Variants in BPIFC observed in about 807,000 individuals in gnomAD.
BPIFC encodes the protein BPI fold containing family C.
BPIFC carries 60 observed loss-of-function variants against 57.6 expected under a neutral mutation model. That is an observed-to-expected ratio of 1.04 (90% CI 0.85 to 1.29). The LOEUF is 1.29. BPIFC is among the 50% of genes most tolerant of loss of function. The pLI is 0.00. For synonymous variants in BPIFC, 243 were observed against 224.5 expected, an observed-to-expected ratio of 1.08 and a Z score of -0.74; for missense variants, 581 against 600.5, an observed-to-expected ratio of 0.97 and a Z score of 0.34.
intron 13 of BPIFC, among the ~76,000 whole-genome samples, chr22:32,422,708 G>GA (rs1216536555): frequency 5.4e-5 from 8 of 147,172 alleles, no homozygotes; most frequent in Non-Finnish European, 7.5e-5. Context: ...ACTACGTTTT[G>GA]AAAAAAAAAA....
Position 32,432,310 on chromosome 22 carries a change from A to T in BPIFC, c.1149+63T>A. On this transcript the variant is annotated intron_variant, in intron 12 of 16. Coordinates refer to ENST00000300399, the MANE Select transcript of BPIFC (RefSeq NM_174932.3). ...TTCAAACGTTTAAAAGCTGCTGGCC[A>T]ACAGTCCACAGCAGGAGCAGGATTG... is the stretch of plus-strand genomic sequence containing the variant. The T allele has an allele frequency of 2.6e-6, 4 of 1,563,772 alleles. No individual in the cohort carries two copies. In the South Asian group the frequency reaches 3.5e-5, roughly 14 times the overall value.
rs201235852 is a variant in BPIFC, at chr22:32,435,780, G to A, written c.848C>T (p.Ala283Val). Residue 283 changes from alanine to valine, a missense_variant, in exon 10 of 17, where the codon GCC becomes GTC. Ala to Val is a moderately conservative substitution (Grantham distance 64, BLOSUM62 0). Transcript: ENST00000300399. The stretch of plus-strand genomic sequence containing the variant: ...GGACGCAGATTTAAAGAAATACTCG[G>A]CGATTCCAATGTAGAGCATGGAGTT... Reference protein sequence around the residue: ...RSNSMLYIGIAEYFFKSASFA... With the variant: ...RSNSMLYIGIVEYFFKSASFA... The A allele has an allele frequency of 5.8e-5, 94 of 1,614,046 alleles. No individual in the cohort carries two copies. The highest frequency in any genetic ancestry group is 7.7e-5 in the Non-Finnish European group (91 of 1,180,034).
chr22:32,459,248 G>A (rs1188252084), intron 2 of BPIFC, among the ~76,000 whole-genome samples: 1 of 152,244 alleles, frequency 6.6e-6, no homozygotes, highest in African/African-American at 2.4e-5. Flanking sequence ...GAAGAAGTAA[G>A]CCAGGTGTGG....
Position 32,434,082 on chromosome 22 carries a change from T to TTATATATA in BPIFC, c.925-318_925-311dup, listed in dbSNP as rs10628834. Among the ~76,000 whole-genome samples the TTATATATA allele has an allele frequency of 8.8e-4, 130 of 147,292 alleles. 1 individual carries two copies. The highest frequency in any genetic ancestry group is 2.9e-3 in the African/African-American group (116 of 40,562). ...CGTATGTAGTACAACAAAGTTTTAGTTATATATATATATATCTATATGTAC... is the reference window on the plus strand; with the variant it reads ...CGTATGTAGTACAACAAAGTTTTAGTTATATATATATATATATATATATCTATATGTAC... On this transcript the variant is annotated intron_variant, in intron 10 of 16. Coordinates refer to ENST00000300399, the MANE Select transcript of BPIFC (RefSeq NM_174932.3).
chr22:32,433,650 C>A, intron 11 of BPIFC, 69 bp downstream of exon 11: 1 of 1,407,886 alleles, frequency 7.1e-7, no homozygotes, highest in Admixed American at 1.7e-5. Flanking sequence ...ACGTAGAACC[C>A]ACAAGTCTTC....
intron 2 of BPIFC, among the ~76,000 whole-genome samples, chr22:32,459,435 G>A (rs768437061): frequency 1.3e-5 from 2 of 152,074 alleles, no homozygotes; most frequent in African/African-American, 2.4e-5. Context: ...AGGCCGAGGC[G>A]GGTGGATCAC....
At chr22:32,416,512 A>G (rs1933683115) in intron 15 of BPIFC, among the ~76,000 whole-genome samples, 1 of 152,204 alleles carries the variant, frequency 6.6e-6, no homozygotes, top group Admixed American at 6.5e-5. Flanking sequence ...TGCACCTACA[A>G]TTATGTTCAT....
Position 32,447,273 on chromosome 22 carries a change from C to T in BPIFC, c.313G>A (p.Ala105Thr). 6.2e-7 allele frequency: 1 copy of T among 1,614,130 alleles called. No individual in the cohort carries two copies. Residue 105 changes from alanine (A) to threonine (T), a missense_variant, in exon 5 of 17, where the codon GCG becomes ACG. Coordinates refer to ENST00000300399, the MANE Select transcript of BPIFC (RefSeq NM_174932.3). ...LAFVPGVGIK[A>T]LTNHGTANIS... is the part of the protein sequence containing the mutation. ...TTGGCAGTGCCATGGTTGGTTAGCGCTTTGATTCCCACTCCAGGCACAAAA... is the reference window on the plus strand; with the variant it reads ...TTGGCAGTGCCATGGTTGGTTAGCGTTTTGATTCCCACTCCAGGCACAAAA...
At position 32,447,289 on chromosome 22, in the gene BPIFC, A is replaced by AATGAGGTATTT; in HGVS notation, c.296_297insAAATACCTCAT (p.Gly100AsnfsTer11). On this transcript the variant is annotated frameshift_variant, in exon 5 of 17. Coordinates refer to ENST00000300399, the MANE Select transcript of BPIFC (RefSeq NM_174932.3). LOFTEE classifies it high-confidence loss of function. ...TGGTTAGCGCTTTGATTCCCACTCC[A>AATGAGGTATTT]GGCACAAAAGCCAATGAGGTATTTG... 6.2e-7 allele frequency: 1 copy of AATGAGGTATTT among 1,614,118 alleles called. No individual in the cohort carries two copies. Among genetic ancestry groups the AATGAGGTATTT allele is most frequent in the Non-Finnish European group, 8.5e-7 (1 of 1,179,992 alleles).
chr22:32,414,335 T>C lies in BPIFC; in HGVS notation c.1492A>G (p.Ser498Gly), dbSNP rs1317389090. ...GCTGACTTCCCCCTCCACTGTCTGC[T>C]TATCAGGTTCAGACCTTCCCATACG... is the stretch of plus-strand genomic sequence containing the variant. Reference protein sequence around the residue: ...FHVWEGLNLISRQWRGKSAP With the variant: ...FHVWEGLNLIGRQWRGKSAP The change falls in exon 17 of 17, where the codon AGC becomes GGC. Residue 498 changes from serine to glycine, a missense_variant. Transcript: ENST00000300399. 6.2e-7 allele frequency: 1 copy of C among 1,613,946 alleles called. No individual in the cohort carries two copies. The highest frequency in any genetic ancestry group is 8.5e-7 in the Non-Finnish European group (1 of 1,179,864).
chr22:32,426,101 G>C (rs929289538), intron 13 of BPIFC, among the ~76,000 whole-genome samples: 15 of 152,206 alleles, frequency 9.9e-5, no homozygotes, highest in Non-Finnish European at 2.2e-4. Context: ...TGTATTTGCT[G>C]TCTATGCAGC....
chr22:32,415,906 C>T lies in BPIFC; in HGVS notation c.1401+9G>A. ...TGGGTCAGTTAAGAGGTGAGATTTG[C>T]ATTCTTACCTCAAGAACTTCAATAT... On this transcript the variant is annotated intron_variant, in intron 16 of 16. Coordinates refer to ENST00000300399, the MANE Select transcript of BPIFC (RefSeq NM_174932.3). 6.4e-7 allele frequency: 1 copy of T among 1,556,732 alleles called. No individual in the cohort carries two copies. The highest frequency in any genetic ancestry group is 8.7e-7 in the Non-Finnish European group (1 of 1,144,752).
chr22:32,449,239 G>A (rs1934819140), intron 4 of BPIFC, among the ~76,000 whole-genome samples: 1 of 152,162 alleles, frequency 6.6e-6, no homozygotes, highest in South Asian at 2.1e-4. Flanking sequence ...TTTAGTACCA[G>A]CTGTAAAAAC....
chr22:32,424,759 TTCTTCTTC>T (rs1934007643), intron 13 of BPIFC, among the ~76,000 whole-genome samples: 1 of 96,674 alleles, frequency 1.0e-5, no homozygotes, highest in Non-Finnish European at 2.0e-5. Context: ...CTTCCTCTTC[TTCTTCTTC>T]TTCTTCTTCT....
At chr22:32,418,009 C>CT (rs1245407018) in intron 14 of BPIFC, among the ~76,000 whole-genome samples, 1 of 152,062 alleles carries the variant, frequency 6.6e-6, no homozygotes, top group Non-Finnish European at 1.5e-5. Context: ...ATGTATGAAA[C>CT]TATTATGCTA....
chr22:32,460,778 G>A (rs1032410111), intron 2 of BPIFC, among the ~76,000 whole-genome samples: 1 of 152,146 alleles, frequency 6.6e-6, no homozygotes, highest in East Asian at 1.9e-4. Flanking sequence ...ATTCATGCGT[G>A]TATGTTTCTT....
intron 13 of BPIFC, among the ~76,000 whole-genome samples, chr22:32,424,656 CTTCTTCT>C (rs1933969744): frequency 6.4e-5 from 4 of 62,654 alleles, no homozygotes; most frequent in African/African-American, 4.6e-4. Context: ...TCTTCTTCTT[CTTCTTCT>C]TCTTCTTCTT....
At chr22:32,418,962 G>A (rs184637282) in intron 14 of BPIFC, among the ~76,000 whole-genome samples, 1 of 152,182 alleles carries the variant, frequency 6.6e-6, no homozygotes, top group African/African-American at 2.4e-5. Context: ...GGCAGAAAGT[G>A]TTCAAAGAGT....
intron 13 of BPIFC, among the ~76,000 whole-genome samples, chr22:32,429,066 A>G (rs1394213368): frequency 3.9e-5 from 6 of 152,080 alleles, no homozygotes; most frequent in African/African-American, 1.4e-4. Flanking sequence ...CCTCTTCCGG[A>G]TGCAAAGCTA....
Sources: gnomAD v4.1 joint callset for allele counts (sites outside exome capture counted in the v4.1 genomes callset) on GRCh38, gnomAD v4.1.1 for gene constraint, MANE v1.5 for transcripts, NCBI Gene and HGNC (gene_info 2026-07-23, HGNC 2026-07-21) for gene names.